The following CPNE5 variants were observed in gnomAD, a reference collection of about 807,000 sequenced individuals.
CPNE5 encodes copine 5, also known as copine-5.
In CPNE5, 42 loss-of-function variants were observed where a neutral mutation model predicts 81.1. The ratio of observed to expected loss-of-function variants is 0.52; its 90% CI spans 0.40 to 0.67. CPNE5 has a LOEUF of 0.67. Among genes scored for constraint, CPNE5 ranks in the 30% least tolerant of loss-of-function variants. The probability of loss-of-function intolerance (pLI) is 0.00; values close to 1 mark genes in which losing one functional copy is unlikely to be tolerated. For missense variants in CPNE5, 612 were observed against 815.5 expected, an observed-to-expected ratio of 0.75 and a Z score of 3.04; for synonymous variants, 313 against 321.5, an observed-to-expected ratio of 0.97 and a Z score of 0.28.
chr6:36,760,672 A>G (rs188532535), intron 12 of CPNE5, among the ~76,000 whole-genome samples: 1 of 152,256 alleles, frequency 6.6e-6, no homozygotes, highest in African/African-American at 2.4e-5. Context: ...AGCCCCCATG[A>G]TGGGAATATT....
At chr6:36,757,599 T>C (rs78382447) in intron 12 of CPNE5, among the ~76,000 whole-genome samples, 1,651 of 152,222 alleles carry the variant, frequency 0.011, 13 homozygotes, top group Non-Finnish European at 0.016. Context: ...TGGAGACATA[T>C]ATTGCTTCTC....
chr6:36,741,432 G>C lies in CPNE5; in HGVS notation c.*836C>G, dbSNP rs1299579912. ...ACAGGGCAAAGAGCAGGAGCAGTGT[G>C]GGAACGTGGGGCTGAGCCACTCCTT... On this transcript the variant is annotated 3_prime_UTR_variant, in exon 21 of 21. Coordinates refer to ENST00000244751, the MANE Select transcript of CPNE5 (RefSeq NM_020939.2). The C allele has an allele frequency of 6.6e-6, 1 of 152,284 alleles. No individual in the cohort carries two copies. Among genetic ancestry groups the C allele is most frequent in the Admixed American group, 6.5e-5 (1 of 15,284 alleles). The allele number at this position is 152,284 out of a possible 1,614,324, so 9.4% of individuals were successfully genotyped here.
rs1323523257 is a variant in CPNE5 at position 36,766,735 on chromosome 6, G to T, written c.738-1359C>A. Among the ~76,000 whole-genome samples, 1 of 152,166 alleles carries T rather than the reference G, an allele frequency of 6.6e-6. No individual in the cohort carries two copies. Among genetic ancestry groups the T allele is most frequent in the African/African-American group, 2.4e-5 (1 of 41,422 alleles). ...CACCATTGAAAGGAGAAGTAATAAC[G>T]GCCTTGCAGAACAGCTGCAAGAACA... On this transcript the variant is annotated intron_variant, in intron 10 of 20. Transcript: ENST00000244751. The surrounding 1 kb of genome is among the most constrained non-coding windows in gnomAD (Gnocchi z 4.2).
chr6:36,791,849 A>G (rs1357460672), intron 8 of CPNE5, among the ~76,000 whole-genome samples, 184 bp downstream of exon 8: 2 of 152,102 alleles, frequency 1.3e-5, no homozygotes, highest in Admixed American at 6.5e-5. Flanking sequence ...TCCGGGCCTC[A>G]GTCTGCTCAG....
At chr6:36,788,387 G>A (rs1223531755) in intron 8 of CPNE5, among the ~76,000 whole-genome samples, 2 of 152,096 alleles carry the variant, frequency 1.3e-5, no homozygotes, top group East Asian at 1.9e-4. Flanking sequence ...AGCCCCACAA[G>A]GGACAGAAGG....
chr6:36,809,849 C>G (rs999615441), intron 3 of CPNE5, among the ~76,000 whole-genome samples: 1 of 151,836 alleles, frequency 6.6e-6, no homozygotes, highest in Non-Finnish European at 1.5e-5. Context: ...CATCCCTGCT[C>G]AGGTTTCTCC....
intron 1 of CPNE5, among the ~76,000 whole-genome samples, chr6:36,830,796 CAAACAG>C (rs1404878415): frequency 6.6e-6 from 1 of 152,164 alleles, no homozygotes; most frequent in Non-Finnish European, 1.5e-5. Flanking sequence ...TCAACAGCTT[CAAACAG>C]AAACGTAGGA....
chr6:36,743,887 G>T, intron 19 of CPNE5, 125 bp from the exon 20 acceptor site: 1 of 830,324 alleles, frequency 1.2e-6, no homozygotes, highest in Non-Finnish European at 2.0e-6. Context: ...CCCATGCCCC[G>T]TGTTAGAGAT....
intron 3 of CPNE5, among the ~76,000 whole-genome samples, chr6:36,816,889 C>T (rs58821443): frequency 0.021 from 3,213 of 152,316 alleles, 115 homozygotes; most frequent in African/African-American, 0.072. Context: ...AGCGATTCTC[C>T]TGCCTCAGCC....
intron 1 of CPNE5, among the ~76,000 whole-genome samples, chr6:36,837,697 G>T (rs761293297): frequency 3.9e-5 from 6 of 152,142 alleles, no homozygotes; most frequent in Non-Finnish European, 8.8e-5. Context: ...CTTTTCAGGA[G>T]TGGGGGGATC....
intron 13 of CPNE5, chr6:36,754,211 CTT>C (rs1256469362): frequency 8.2e-6 from 1 of 122,576 alleles, no homozygotes; most frequent in Non-Finnish European, 1.7e-5. Flanking sequence ...TTTCAGAGAT[CTT>C]CTTTTTTTTT....
rs750939871 is a variant in CPNE5 at position 36,745,477 on chromosome 6, G to A, written c.1239C>T (p.Asp413=). The A allele has an allele frequency of 1.6e-5, 25 of 1,600,374 alleles. No homozygotes were observed. The highest frequency in any genetic ancestry group is 2.3e-5 in the East Asian group (1 of 44,342). Reference sequence around the variant, plus strand: ...TGCGGTGGTAGGCCTCCAGGATGCCGTCGATGCCACAGCATGAGGGGTTCT... The same window carrying A: ...TGCGGTGGTAGGCCTCCAGGATGCCATCGATGCCACAGCATGAGGGGTTCT... ...NQENPSCCGI[D]GILEAYHRSL... Residue 413 remains aspartate (D), a synonymous_variant, in exon 17 of 21, where the codon GAC becomes GAT. Coordinates refer to ENST00000244751, the MANE Select transcript of CPNE5 (RefSeq NM_020939.2).
At chr6:36,814,350 C>T (rs1488321293) in intron 3 of CPNE5, among the ~76,000 whole-genome samples, 2 of 152,126 alleles carry the variant, frequency 1.3e-5, no homozygotes, top group Admixed American at 1.3e-4. Flanking sequence ...TCAACATGGT[C>T]TCCATAAACT....
rs375778624 is a variant in CPNE5 at position 36,834,089 on chromosome 6, C to A, written c.95+5194G>T. ...ACAAAACAAACGAACAAAAAAAAAT[C>A]AAAAAAAATTTAAAAATTAGCTAGA... is the stretch of plus-strand genomic sequence containing the variant. On this transcript the variant is annotated intron_variant, in intron 1 of 20. Transcript: ENST00000244751. Among the ~76,000 whole-genome samples the A allele has an allele frequency of 4.5e-3, 667 of 148,130 alleles. 5 individuals are homozygous for A. Among genetic ancestry groups the A allele is most frequent in the African/African-American group, 0.014 (567 of 39,842 alleles).
chr6:36,780,207 C>T lies in CPNE5; in HGVS notation c.529-1250G>A, dbSNP rs184143134. Among the ~76,000 whole-genome samples, 9 of 152,322 alleles carry T rather than the reference C, an allele frequency of 5.9e-5. No individual in the cohort carries two copies. In the East Asian group the frequency reaches 1.7e-3, roughly 29 times the overall value. ...CTCGATATTCTGACCTCATGATCCG[C>T]CCGCCTCAGCCTCCCAAAGTGCTGG... is the stretch of plus-strand genomic sequence containing the variant. On this transcript the variant is annotated intron_variant, in intron 8 of 20. Transcript: ENST00000244751.
chr6:36,769,500 T>C (rs924715813), intron 10 of CPNE5, among the ~76,000 whole-genome samples: 3 of 152,230 alleles, frequency 2.0e-5, no homozygotes, highest in African/African-American at 7.2e-5. Flanking sequence ...GTCTGCCTCC[T>C]AATGAGCCTC....
intron 14 of CPNE5, among the ~76,000 whole-genome samples, chr6:36,751,903 A>G (rs1764876540): frequency 6.6e-6 from 1 of 152,150 alleles, no homozygotes; most frequent in African/African-American, 2.4e-5. Context: ...GTGGCTGATT[A>G]ATGGGATTGA....
At chr6:36,788,240 A>C (rs1018530221) in intron 8 of CPNE5, among the ~76,000 whole-genome samples, 1 of 151,650 alleles carries the variant, frequency 6.6e-6, no homozygotes, top group African/African-American at 2.4e-5. Flanking sequence ...GGGGGGTCTC[A>C]CTATGATGTC....
chr6:36,756,206 T>C, intron 13 of CPNE5, 39 bp downstream of exon 13: 1 of 1,575,318 alleles, frequency 6.3e-7, no homozygotes, highest in Non-Finnish European at 8.7e-7. Context: ...GGGCTCAGAA[T>C]GTCTACACCC....
Sources: gnomAD v4.1 joint callset for allele counts (sites outside exome capture counted in the v4.1 genomes callset) on GRCh38, gnomAD v4.1.1 for gene constraint, Gnocchi (gnomAD v3.1) non-coding constraint, MANE v1.5 for transcripts, NCBI Gene and HGNC (gene_info 2026-07-23, HGNC 2026-07-21) for gene names.